Variants in DNAH10 observed in about 807,000 individuals in gnomAD.
DNAH10 encodes dynein axonemal heavy chain 10.
DNAH10 carries 348 observed loss-of-function variants against 506.6 expected under a neutral mutation model. The observed-to-expected ratio is 0.69, with a 90% CI of 0.63 to 0.75. The LOEUF (loss-of-function observed/expected upper bound fraction) is 0.75. DNAH10 is among the 30% of genes least tolerant of loss of function. The pLI is 0.00. For missense variants in DNAH10, 5,179 were observed against 5,787.1 expected (o/e 0.89, Z 3.41); for synonymous variants, 2,059 against 2,198.6 (o/e 0.94, Z 1.78).
intron 30 of DNAH10, among the ~76,000 whole-genome samples, chr12:123,842,542 G>A (rs1950810206): frequency 6.6e-6 from 1 of 152,186 alleles, no homozygotes; most frequent in Non-Finnish European, 1.5e-5. Context: ...TTTGTACACT[G>A]CCTTTTTGAT....
intron 44 of DNAH10, among the ~76,000 whole-genome samples, 190 bp from the exon 45 acceptor site, chr12:123,871,267 G>A (rs1005256712): frequency 1.3e-5 from 2 of 152,188 alleles, no homozygotes; most frequent in Admixed American, 1.3e-4. Flanking sequence ...GGTGATGGTC[G>A]CGCCGCTGCA....
At chr12:123,765,564 T>TC (rs1555302003) in intron 1 of DNAH10, among the ~76,000 whole-genome samples, 3,714 of 149,388 alleles carry the variant, frequency 0.025, 102 homozygotes, top group African/African-American at 0.062. Flanking sequence ...TATCTATACT[T>TC]TATCTATCTA....
intron 35 of DNAH10, 114 bp downstream of exon 35, chr12:123,851,190 G>C: frequency 8.5e-7 from 1 of 1,169,806 alleles, no homozygotes; most frequent in Non-Finnish European, 1.2e-6. Flanking sequence ...CGGGACCTAG[G>C]ATGTGTCAGC....
chr12:123,788,534 T>C (rs1357485177), intron 10 of DNAH10, among the ~76,000 whole-genome samples: 2 of 152,008 alleles, frequency 1.3e-5, no homozygotes, highest in South Asian at 2.1e-4. Context: ...AGAGGAACCA[T>C]AGTGAGTACA....
intron 5 of DNAH10, among the ~76,000 whole-genome samples, chr12:123,780,366 A>G (rs1957600908): frequency 6.6e-6 from 1 of 151,734 alleles, no homozygotes; most frequent in Admixed American, 6.6e-5. Flanking sequence ...GGGTTTCACC[A>G]TGTTGGCCAG....
chr12:123,892,069 G>A (rs927448039), intron 52 of DNAH10, among the ~76,000 whole-genome samples: 4 of 152,252 alleles, frequency 2.6e-5, no homozygotes, highest in East Asian at 1.9e-4. Flanking sequence ...CCGGATGCCC[G>A]GAGGGAGAGC....
Position 123,887,281 on chromosome 12 carries a change from T to C in DNAH10, c.8963T>C (p.Phe2988Ser). 6.2e-7 allele frequency: 1 copy of C among 1,613,900 alleles called. No individual in the cohort carries two copies. Among genetic ancestry groups the C allele is most frequent in the Non-Finnish European group, 8.5e-7 (1 of 1,179,856 alleles). ...FTDAHVAEEG[F>S]LELINNMLTS... Reference sequence around the variant, plus strand: ...GATGCCCATGTGGCTGAGGAGGGCTTCCTGGAGCTCATCAACAACATGCTG... The same window carrying C: ...GATGCCCATGTGGCTGAGGAGGGCTCCCTGGAGCTCATCAACAACATGCTG... The change falls in exon 52 of 79, where the codon TTC becomes TCC. Residue 2988 changes from phenylalanine (F) to serine (S), a missense_variant. Physicochemically the swap from Phe to Ser is radical, Grantham distance 155 (BLOSUM62 -2). Around this residue, in one of 3 missense-constraint regions of DNAH10, gnomAD observed 4,844 missense variants for 5,430.5 expected, o/e 0.89. Transcript: ENST00000673944.
intron 2 of DNAH10, among the ~76,000 whole-genome samples, chr12:123,770,576 C>G (rs1189669164): frequency 6.6e-6 from 1 of 151,188 alleles, no homozygotes; most frequent in Admixed American, 6.6e-5. Flanking sequence ...CCCTTGCCAA[C>G]CACGGTGCCA....
In DNAH10 at chr12:123,913,346, G is replaced by T. The variant is rs754556531; in HGVS notation, c.10352+31G>T. On this transcript the variant is annotated intron_variant, in intron 60 of 78. Transcript: ENST00000673944. The surrounding 1 kb of genome is among the most constrained non-coding windows in gnomAD (Gnocchi z 5.1). ...CGCTGCTCACGAGCCCACCTGTTGCGGTTTGTAAACGGACGTCACCCACAG... is the reference window on the plus strand; with the variant it reads ...CGCTGCTCACGAGCCCACCTGTTGCTGTTTGTAAACGGACGTCACCCACAG... 1 of 1,539,306 alleles carries T rather than the reference G, an allele frequency of 6.5e-7. No homozygotes were observed. The highest frequency in any genetic ancestry group is 8.8e-7 in the Non-Finnish European group (1 of 1,141,104).
intron 77 of DNAH10, chr12:123,934,217 A>T: frequency 2.9e-6 from 2 of 701,534 alleles, no homozygotes; most frequent in Non-Finnish European, 5.2e-6. Context: ...TGAGGCTTCG[A>T]CTTCCTGCTC....
chr12:123,812,094 A>C (rs1958958398), intron 19 of DNAH10, among the ~76,000 whole-genome samples: 1 of 152,190 alleles, frequency 6.6e-6, no homozygotes. Context: ...GATGGTGAGC[A>C]TATTGTTCAG....
intron 51 of DNAH10, 175 bp downstream of exon 51, chr12:123,881,988 A>G: frequency 3.8e-6 from 2 of 522,224 alleles, no homozygotes. Flanking sequence ...ATATTACTAT[A>G]TTTTAACTGA....
rs530480096 is a variant in DNAH10 at position 123,810,448 on chromosome 12, C to T, written c.3144+1495C>T. On this transcript the variant is annotated intron_variant, in intron 19 of 78. Transcript: ENST00000673944. Reference sequence around the variant, plus strand: ...CTGTAATCCCAGCACTTTGGGAGGCCGAGGTGGGTGGATCATGAGGTCAGG... The same window carrying T: ...CTGTAATCCCAGCACTTTGGGAGGCTGAGGTGGGTGGATCATGAGGTCAGG... 3.3e-5 allele frequency among the ~76,000 whole-genome samples: 5 copies of T among 152,200 alleles called. No homozygotes were observed. The East Asian group carries it at 5.8e-4, about 18-fold the overall frequency.
In DNAH10 at chr12:123,912,962, CAACAT is replaced by C. The variant is rs1446417830; in HGVS notation, c.10135-134_10135-130del. Reference sequence around the variant, plus strand: ...GAAGAAACTAAGAAGCCACGTGTCTCAACATAGCATATAGAGGCTCTGAAAAGCAC... The same window carrying C: ...GAAGAAACTAAGAAGCCACGTGTCTCAGCATATAGAGGCTCTGAAAAGCAC... On this transcript the variant is annotated intron_variant, in intron 59 of 78. Transcript: ENST00000673944. 4 of 814,214 alleles carry C rather than the reference CAACAT, an allele frequency of 4.9e-6. No homozygotes were observed. In the Admixed American group the frequency reaches 8.8e-5, roughly 18 times the overall value. The allele number at this position is 814,214 out of a possible 1,614,324, so 50.4% of individuals were successfully genotyped here.
chr12:123,829,176 C>T (rs1006833821), intron 25 of DNAH10, among the ~76,000 whole-genome samples: 2 of 151,844 alleles, frequency 1.3e-5, no homozygotes, highest in African/African-American at 4.8e-5. Flanking sequence ...GTGGGGTGGT[C>T]GAAGTTGAGG....
intron 50 of DNAH10, among the ~76,000 whole-genome samples, chr12:123,881,027 C>T (rs1952485917): frequency 6.6e-6 from 1 of 152,096 alleles, no homozygotes; most frequent in South Asian, 2.1e-4. Context: ...ATATGTGCCA[C>T]ATTTTCTTAA....
chr12:123,855,260 T>A (rs1233515759), intron 36 of DNAH10, among the ~76,000 whole-genome samples: 2 of 152,242 alleles, frequency 1.3e-5, no homozygotes, highest in South Asian at 2.1e-4. Flanking sequence ...GGACTACCTG[T>A]CCTAGGAGAC....
intron 10 of DNAH10, 97 bp from the exon 11 acceptor site, chr12:123,789,830 G>A (rs1958011281): frequency 1.9e-5 from 22 of 1,131,728 alleles, no homozygotes; most frequent in East Asian, 7.2e-5. Context: ...CATGATTCTT[G>A]CCCCCAGGTC....
Position 123,767,698 on chromosome 12 carries a change from T to C in DNAH10, c.298+9T>C. On this transcript the variant is annotated intron_variant, in intron 2 of 78. Coordinates refer to ENST00000673944, the MANE Select transcript of DNAH10 (RefSeq NM_001372106.1). ...CGTGGATAAAGTGCGAGGTGTGGAG[T>C]TGGGAGGGGTCATGGGAGGGTGGAA... 4 of 1,607,480 alleles carry C rather than the reference T, an allele frequency of 2.5e-6. No homozygotes were observed. Among genetic ancestry groups the C allele is most frequent in the African/African-American group, 1.3e-5 (1 of 74,734 alleles).
Sources: gnomAD v4.1 joint callset for allele counts (sites outside exome capture counted in the v4.1 genomes callset) on GRCh38, gnomAD v4.1.1 for gene constraint, gnomAD v4.1.1 regional missense constraint, Gnocchi (gnomAD v3.1) non-coding constraint, MANE v1.5 for transcripts, NCBI Gene and HGNC (gene_info 2026-07-23, HGNC 2026-07-21) for gene names.